Variants in SDK1 observed in about 807,000 individuals in gnomAD.
SDK1 encodes protein sidekick-1.
In SDK1, 157 loss-of-function variants were observed where a neutral mutation model predicts 245.5. The observed-to-expected ratio is 0.64, with a 90% CI of 0.56 to 0.73. The LOEUF (loss-of-function observed/expected upper bound fraction) is 0.73, where lower values mean the gene tolerates loss of function less well. Among genes scored for constraint, SDK1 ranks in the 30% least tolerant of loss-of-function variants. SDK1 has a pLI of 0.00. For missense variants in SDK1, 3,583 were observed against 3,002.3 expected, an observed-to-expected ratio of 1.19 and a Z score of -4.52; for synonymous variants, 1,647 against 1,278.5, an observed-to-expected ratio of 1.29 and a Z score of -6.15.
chr7:3,683,169 T>A lies in SDK1; in HGVS notation c.713+41064T>A, dbSNP rs148881657. The stretch of plus-strand genomic sequence containing the variant: ...CAGTCTTCTTTCATATGATATTTCT[T>A]GCTTTTTCGTCTGTCTTTTCCACAG... On this transcript the variant is annotated intron_variant, in intron 4 of 44. Transcript: ENST00000404826. Among the ~76,000 whole-genome samples the A allele has an allele frequency of 1.2e-4, 19 of 152,328 alleles. No individual in the cohort carries two copies. In the East Asian group the frequency reaches 3.3e-3, roughly 26 times the overall value.
chr7:3,889,477 C>G (rs1488377086), intron 5 of SDK1, among the ~76,000 whole-genome samples: 5 of 152,040 alleles, frequency 3.3e-5, no homozygotes, highest in Admixed American at 6.5e-5. Context: ...GTGGCATGCC[C>G]TACAGTGGTA....
chr7:4,156,466 G>A (rs958314322), intron 30 of SDK1, among the ~76,000 whole-genome samples: 1 of 152,176 alleles, frequency 6.6e-6, no homozygotes, highest in Non-Finnish European at 1.5e-5. Context: ...TTCCAGTTGT[G>A]GACGCTGAGT....
intron 1 of SDK1, among the ~76,000 whole-genome samples, chr7:3,584,380 A>G (rs148522162): frequency 1.4e-3 from 214 of 152,194 alleles, no homozygotes; most frequent in African/African-American, 4.4e-3. Flanking sequence ...CAAGCCCCAC[A>G]TGACCCTTCA....
intron 1 of SDK1, among the ~76,000 whole-genome samples, chr7:3,552,218 T>G (rs1779441036): frequency 1.3e-5 from 2 of 152,148 alleles, no homozygotes; most frequent in South Asian, 4.2e-4. Flanking sequence ...TTTGTATTTT[T>G]AGTAGAGACG....
chr7:3,574,559 C>A (rs1005351338), intron 1 of SDK1, among the ~76,000 whole-genome samples: 1 of 152,054 alleles, frequency 6.6e-6, no homozygotes, highest in East Asian at 1.9e-4. Flanking sequence ...CTGGCCTCCC[C>A]ACTATGCCCT....
chr7:3,468,868 C>G (rs1364696597), intron 1 of SDK1, among the ~76,000 whole-genome samples: 1 of 152,178 alleles, frequency 6.6e-6, no homozygotes, highest in Non-Finnish European at 1.5e-5. Context: ...TTCTCCTATT[C>G]ATTGTCCTCT....
intron 1 of SDK1, among the ~76,000 whole-genome samples, chr7:3,544,906 C>G (rs1355082909): frequency 6.6e-6 from 1 of 152,160 alleles, no homozygotes; most frequent in Non-Finnish European, 1.5e-5. Flanking sequence ...CTGCTGATAG[C>G]TGTCAGAGGG....
chr7:3,959,069 A>T, intron 8 of SDK1, 55 bp downstream of exon 8: 2 of 1,319,594 alleles, frequency 1.5e-6, no homozygotes, highest in East Asian at 4.6e-5. Context: ...AAGGGAAACA[A>T]CCTTTTTCCA....
intron 4 of SDK1, among the ~76,000 whole-genome samples, chr7:3,650,335 AC>A (rs1782972231): frequency 6.6e-6 from 1 of 152,280 alleles, no homozygotes; most frequent in South Asian, 2.1e-4. Flanking sequence ...GAAACTCTGT[AC>A]CCGTTAAACA....
chr7:4,177,397 G>C (rs1782281500), intron 34 of SDK1, among the ~76,000 whole-genome samples: 1 of 152,236 alleles, frequency 6.6e-6, no homozygotes. Flanking sequence ...TTCTCACCCT[G>C]TCACTTAGTG....
rs79412485 is a variant in SDK1 at position 4,040,353 on chromosome 7, C to T, written c.2603-8995C>T. Among the ~76,000 whole-genome samples, 1,019 of 152,200 alleles carry T rather than the reference C, an allele frequency of 6.7e-3. 6 individuals carry two copies. The highest frequency in any genetic ancestry group is 0.024 in the African/African-American group (995 of 41,522). On this transcript the variant is annotated intron_variant, in intron 17 of 44. Coordinates refer to ENST00000404826, the MANE Select transcript of SDK1 (RefSeq NM_152744.4). Reference sequence around the variant, plus strand: ...TGCTCAGAGTCTGTAGTCTTCAACCCGGGGGTCCGTGGCAACTGAAAAACA... The same window carrying T: ...TGCTCAGAGTCTGTAGTCTTCAACCTGGGGGTCCGTGGCAACTGAAAAACA...
chr7:3,685,005 G>T (rs1350281290), intron 4 of SDK1, among the ~76,000 whole-genome samples: 1 of 152,142 alleles, frequency 6.6e-6, no homozygotes, highest in Non-Finnish European at 1.5e-5. Context: ...GGACAAGACT[G>T]AGAGGTAACA....
At chr7:3,419,136 A>G (rs747914842) in intron 1 of SDK1, among the ~76,000 whole-genome samples, 1 of 152,208 alleles carries the variant, frequency 6.6e-6, no homozygotes, top group Non-Finnish European at 1.5e-5. Context: ...TGTGTTGTTC[A>G]AGGGTCAGAC....
chr7:3,577,695 G>C (rs796977705), intron 1 of SDK1, among the ~76,000 whole-genome samples: 13 of 152,168 alleles, frequency 8.5e-5, no homozygotes, highest in African/African-American at 3.1e-4. Flanking sequence ...GACATAAACT[G>C]AGAACTGAGC....
At chr7:3,671,838 GT>G (rs1188558957) in intron 4 of SDK1, among the ~76,000 whole-genome samples, 1 of 152,174 alleles carries the variant, frequency 6.6e-6, no homozygotes, top group Non-Finnish European at 1.5e-5. Flanking sequence ...CCATTTTATA[GT>G]TTTTTCCTTC....
chr7:4,134,886 G>T (rs1351104583), intron 28 of SDK1: 1 of 152,326 alleles, frequency 6.6e-6, no homozygotes, highest in Non-Finnish European at 1.5e-5. Context: ...TTGACCCAGG[G>T]CGTCCTTGCA....
chr7:3,689,744 A>G (rs973563551), intron 4 of SDK1, among the ~76,000 whole-genome samples: 4 of 152,208 alleles, frequency 2.6e-5, no homozygotes, highest in African/African-American at 9.7e-5. Context: ...CGTTCCTACT[A>G]CAGAGGAAGC....
intron 1 of SDK1, among the ~76,000 whole-genome samples, chr7:3,613,689 A>G (rs141408243): frequency 7.0e-4 from 107 of 152,338 alleles, no homozygotes; most frequent in African/African-American, 2.5e-3. Context: ...ACACAAAGAC[A>G]CATATGTTCC....
At chr7:3,415,366 G>A (rs1340777128) in intron 1 of SDK1, among the ~76,000 whole-genome samples, 2 of 152,144 alleles carry the variant, frequency 1.3e-5, no homozygotes, top group Non-Finnish European at 2.9e-5. Context: ...AGGTGTATGT[G>A]TGTAGAGAAG....
Sources: allele counts gnomAD v4.1 joint callset (sites outside exome capture counted in the v4.1 genomes callset), GRCh38; gene constraint gnomAD v4.1.1; transcripts MANE v1.5; gene names NCBI Gene and HGNC (gene_info 2026-07-23, HGNC 2026-07-21).